The following DDX10 variants were observed in gnomAD, a reference collection of about 807,000 sequenced individuals.
The protein encoded by DDX10 is DEAD-box helicase 10.
In DDX10, 74 loss-of-function variants were observed where a neutral mutation model predicts 104.3. That is an observed-to-expected ratio of 0.71 (90% CI 0.59 to 0.86). DDX10 has a LOEUF of 0.86. DDX10 is among the 40% of genes least tolerant of loss of function. DDX10 has a pLI of 0.00. For missense variants in DDX10, 952 were observed against 1,040.0 expected (o/e 0.92, Z 1.16); for synonymous variants, 351 against 353.4 (o/e 0.99, Z 0.08).
At chr11:108,787,088 C>T (rs187912776) in intron 13 of DDX10, among the ~76,000 whole-genome samples, 27 of 152,232 alleles carry the variant, frequency 1.8e-4, no homozygotes, top group African/African-American at 6.3e-4. Context: ...TTTTATTTTG[C>T]CTTCACTTAC....
At chr11:108,764,729 C>T (rs888637596) in intron 13 of DDX10, among the ~76,000 whole-genome samples, 2 of 152,110 alleles carry the variant, frequency 1.3e-5, no homozygotes, top group African/African-American at 4.8e-5. Flanking sequence ...TAAGCAATCA[C>T]TATAATTTGA....
chr11:108,803,148 T>A (rs1591822313), intron 13 of DDX10, among the ~76,000 whole-genome samples: 1 of 148,950 alleles, frequency 6.7e-6, no homozygotes, highest in East Asian at 1.9e-4. Context: ...TTAATGATTC[T>A]TTGCCAGCAG....
intron 13 of DDX10, among the ~76,000 whole-genome samples, chr11:108,826,977 A>G (rs1025530951): frequency 3.9e-5 from 6 of 152,228 alleles, no homozygotes; most frequent in South Asian, 2.1e-4. Context: ...TGATGCTACA[A>G]TCTTCTAAGG....
intron 13 of DDX10, among the ~76,000 whole-genome samples, chr11:108,831,745 A>T (rs184099390): frequency 6.6e-6 from 1 of 152,172 alleles, no homozygotes; most frequent in Non-Finnish European, 1.5e-5. Flanking sequence ...AGTAATGCTT[A>T]TATTAGTTTT....
In DDX10 at chr11:108,812,395, AT is replaced by A. The variant is rs372259369; in HGVS notation, c.1966-26043del. Among the ~76,000 whole-genome samples, 19 of 152,038 alleles carry A rather than the reference AT, an allele frequency of 1.2e-4. No homozygotes were observed. In the South Asian group the frequency reaches 2.5e-3, roughly 20 times the overall value. The stretch of plus-strand genomic sequence containing the variant: ...TTTCAGTTGACTTTTTTCGTTCTGA[AT>A]TTTTTTTAATGGTATTATATCTCTC... On this transcript the variant is annotated intron_variant, in intron 13 of 17. Transcript: ENST00000322536.
intron 13 of DDX10, among the ~76,000 whole-genome samples, chr11:108,804,498 C>CAA (rs3063225): frequency 0.47 from 43,773 of 93,088 alleles, 11,208 homozygotes; most frequent in Non-Finnish European, 0.59. Flanking sequence ...GACCCTGTCT[C>CAA]AAAAAAAAAA....
chr11:108,752,741 A>G (rs1328252066), intron 13 of DDX10, among the ~76,000 whole-genome samples: 1 of 152,126 alleles, frequency 6.6e-6, no homozygotes, highest in East Asian at 1.9e-4. Context: ...ATACTTTGAA[A>G]GTTGGATTTT....
At chr11:108,913,870 G>A (rs138431308) in intron 16 of DDX10, among the ~76,000 whole-genome samples, 27 of 152,274 alleles carry the variant, frequency 1.8e-4, no homozygotes, top group Admixed American at 1.7e-3. Flanking sequence ...GTAAATGATA[G>A]TGGTTTTATT....
intron 16 of DDX10, among the ~76,000 whole-genome samples, chr11:108,905,248 A>T (rs796693945): frequency 1.5e-4 from 22 of 150,290 alleles, no homozygotes; most frequent in African/African-American, 5.1e-4. Context: ...TTAGAGTTTT[A>T]AAAAAATTTC....
chr11:108,933,821 C>G (rs1864004260), intron 17 of DDX10, among the ~76,000 whole-genome samples: 1 of 152,192 alleles, frequency 6.6e-6, no homozygotes, highest in South Asian at 2.1e-4. Flanking sequence ...AGGGAGCATT[C>G]TTTCTGACCC....
At chr11:108,895,829 G>C (rs552006954) in intron 16 of DDX10, among the ~76,000 whole-genome samples, 4 of 152,178 alleles carry the variant, frequency 2.6e-5, no homozygotes, top group South Asian at 4.1e-4. Flanking sequence ...GAAAATTCAG[G>C]AAAGTGTTTT....
chr11:108,688,682 A>G (rs1182024257), intron 6 of DDX10, among the ~76,000 whole-genome samples: 1 of 152,108 alleles, frequency 6.6e-6, no homozygotes, highest in Admixed American at 6.5e-5. Context: ...TTGACCCTGC[A>G]TTTTTAGAGG....
At chr11:108,857,133 A>G (rs1359072109) in intron 16 of DDX10, among the ~76,000 whole-genome samples, 1 of 152,166 alleles carries the variant, frequency 6.6e-6, no homozygotes, top group Non-Finnish European at 1.5e-5. Flanking sequence ...GGTTTCCTGA[A>G]TCTTCATTCC....
At chr11:108,837,607 CTTTTTTTTTTT>C (rs142381520) in intron 13 of DDX10, among the ~76,000 whole-genome samples, 188 of 34,728 alleles carry the variant, frequency 5.4e-3, no homozygotes, top group Non-Finnish European at 6.0e-3. Flanking sequence ...TTGGATACAG[CTTTTTTTTTTT>C]TTTTTTTTTT....
At chr11:108,865,208 A>G (rs548450236) in intron 16 of DDX10, among the ~76,000 whole-genome samples, 7 of 152,224 alleles carry the variant, frequency 4.6e-5, no homozygotes, top group Admixed American at 3.3e-4. Context: ...GCTGACTTAG[A>G]GGGTCCGACA....
At chr11:108,773,522 C>T (rs1459710536) in intron 13 of DDX10, among the ~76,000 whole-genome samples, 1 of 151,864 alleles carries the variant, frequency 6.6e-6, no homozygotes, top group Non-Finnish European at 1.5e-5. Context: ...CTTTTCTCTC[C>T]CTTTTCTGCT....
intron 17 of DDX10, among the ~76,000 whole-genome samples, chr11:108,939,318 GGTGTAA>G (rs1864075963): frequency 6.6e-6 from 1 of 152,050 alleles, no homozygotes; most frequent in Non-Finnish European, 1.5e-5. Context: ...GAATCCCATG[GGTGTAA>G]TCTTGGTCCA....
At chr11:108,674,332 A>G (rs1056337290) in intron 2 of DDX10, among the ~76,000 whole-genome samples, 2 of 152,140 alleles carry the variant, frequency 1.3e-5, no homozygotes, top group Non-Finnish European at 1.5e-5. Flanking sequence ...TACAGTGTAT[A>G]CATGATGCTT....
chr11:108,759,383 A>G lies in DDX10; in HGVS notation c.1965+35921A>G, dbSNP rs543253910. 4.4e-4 allele frequency among the ~76,000 whole-genome samples: 67 copies of G among 151,998 alleles called. 1 individual carries two copies. Among genetic ancestry groups the G allele is most frequent in the Admixed American group, 3.1e-3 (47 of 15,232 alleles). On this transcript the variant is annotated intron_variant, in intron 13 of 17. Coordinates refer to ENST00000322536, the MANE Select transcript of DDX10 (RefSeq NM_004398.4). ...TTTTAGTTGGCCATGTGGGTACTCC[A>G]CTGGTTTGTGTGACGATTCAGTGTT...
Sources: gnomAD v4.1 joint callset for allele counts (sites outside exome capture counted in the v4.1 genomes callset) on GRCh38, gnomAD v4.1.1 for gene constraint, MANE v1.5 for transcripts, NCBI Gene and HGNC (gene_info 2026-07-23, HGNC 2026-07-21) for gene names.